Variants in PLEKHG2 observed in about 807,000 individuals in gnomAD.
PLEKHG2 encodes the protein pleckstrin homology domain-containing family G member 2.
In PLEKHG2, 71 loss-of-function variants were observed where a neutral mutation model predicts 104.4. The observed-to-expected ratio is 0.68, with a 90% CI of 0.56 to 0.83. The LOEUF (loss-of-function observed/expected upper bound fraction) is 0.83, where lower values mean the gene tolerates loss of function less well. PLEKHG2 is among the 40% of genes least tolerant of loss of function. The pLI is 0.00. For missense variants in PLEKHG2, 1,730 were observed against 1,809.4 expected, an observed-to-expected ratio of 0.96 and a Z score of 0.80; for synonymous variants, 728 against 737.0, an observed-to-expected ratio of 0.99 and a Z score of 0.20.
At chr19:39,422,684 C>G (rs3859552) in intron 17 of PLEKHG2, 48 bp from the exon 18 acceptor site, 72,359 of 1,498,740 alleles carry the variant, frequency 0.048, 2,166 homozygotes, top group Non-Finnish European at 0.058. Context: ...CCACCACACC[C>G]AGCTACCATG....
At position 39,424,001 on chromosome 19, in the gene PLEKHG2, C is replaced by T. The variant is rs1182280624; in HGVS notation, c.2868C>T (p.Pro956=). ...AGGCTCCAGCCGCCACACCTTTGCCCAAGCAAGAAGGCCCCCTGCACCTCC... is the reference window on the plus strand; with the variant it reads ...AGGCTCCAGCCGCCACACCTTTGCCTAAGCAAGAAGGCCCCCTGCACCTCC... ...HVQAPAATPL[P]KQEGPLHLQV... is the part of the protein sequence containing the mutation. The change falls in exon 19 of 19, where the codon CCC becomes CCT. Residue 956 remains proline (P), a synonymous_variant. Transcript: ENST00000425673. 4.3e-6 allele frequency: 7 copies of T among 1,613,954 alleles called. No homozygotes were observed. The highest frequency in any genetic ancestry group is 5.9e-6 in the Non-Finnish European group (7 of 1,179,986).
chr19:39,426,431 C>T lies in PLEKHG2; in HGVS notation c.*1137C>T, dbSNP rs2078783001. 6.6e-6 allele frequency: 1 copy of T among 152,234 alleles called. No homozygotes were observed. Among genetic ancestry groups the T allele is most frequent in the South Asian group, 2.1e-4 (1 of 4,832 alleles). 9.4% of individuals were successfully genotyped at this position (152,234 alleles called of 1,614,324 possible). A position where few individuals can be genotyped will look rare whatever the true frequency, so the allele number is the denominator to read the frequency against. ...GCTTTTATGTTAGGTTCTGTCTGCC[C>T]CCTTGTTCCAGCAGTGGTATGCCCA... On this transcript the variant is annotated 3_prime_UTR_variant, in exon 19 of 19. Transcript: ENST00000425673.
chr19:39,421,254 T>TTC (rs773673039), intron 15 of PLEKHG2, 29 bp from the exon 16 acceptor site: 1 of 1,613,392 alleles, frequency 6.2e-7, no homozygotes, highest in Non-Finnish European at 8.5e-7. Context: ...TCACTAATGC[T>TTC]TCTCTCTCTC....
In PLEKHG2 at chr19:39,424,038, C is replaced by T. The variant is rs150289778; in HGVS notation, c.2905C>T (p.Leu969Phe). 10 of 1,613,740 alleles carry T rather than the reference C, an allele frequency of 6.2e-6. No individual in the cohort carries two copies. The highest frequency in any genetic ancestry group is 5.1e-6 in the Non-Finnish European group (6 of 1,179,946). Residue 969 changes from leucine (L) to phenylalanine (F), a missense_variant, in exon 19 of 19, where the codon CTT (leucine) becomes TTT (phenylalanine). Physicochemically the swap from Leu to Phe is conservative, Grantham distance 22. Coordinates refer to ENST00000425673, the MANE Select transcript of PLEKHG2 (RefSeq NM_022835.3). ...CCCCCTGCACCTCCAGGTGCCGGCT[C>T]TTACAACTTTCTCTGATCAAGGCCA... is the stretch of plus-strand genomic sequence containing the variant. ...EGPLHLQVPA[L>F]TTFSDQGHPE...
Position 39,415,515 on chromosome 19 carries a change from C to T in PLEKHG2, c.479+76C>T, listed in dbSNP as rs945908591. The T allele has an allele frequency of 6.7e-7, 1 of 1,494,352 alleles. No individual in the cohort carries two copies. The allele number at this position is 1,494,352 out of a possible 1,614,324, so 92.6% of individuals were successfully genotyped here. ...TTTCCTAATCCAAACCTCGGAGCTT[C>T]GTAGTGTCCTGTCCAGGCTGGTACG... On this transcript the variant is annotated intron_variant, in intron 4 of 18. Coordinates refer to ENST00000425673, the MANE Select transcript of PLEKHG2 (RefSeq NM_022835.3). This position sits in a 1 kb window ranked among gnomAD's most constrained non-coding sequence, Gnocchi z 4.6.
chr19:39,425,046 C>T lies in PLEKHG2; in HGVS notation c.3913C>T (p.Arg1305Trp), dbSNP rs183572190. 17 of 1,598,816 alleles carry T rather than the reference C, an allele frequency of 1.1e-5. No homozygotes were observed. Among genetic ancestry groups the T allele is most frequent in the Middle Eastern group, 1.7e-4 (1 of 5,940 alleles). ...GPGGGAPAAS[R>W]GSWSSAPTSR... ...TGGGGGAGGGGCCCCCGCAGCCTCC[C>T]GGGGCTCCTGGTCCTCTGCTCCCAC... is the stretch of plus-strand genomic sequence containing the variant. The change falls in exon 19 of 19, where the codon CGG (arginine) becomes TGG (tryptophan). Residue 1305 changes from arginine (R) to tryptophan (W), a missense_variant. Transcript: ENST00000425673.
chr19:39,420,728 T>C (rs1177674689), intron 12 of PLEKHG2, 23 bp from the exon 13 acceptor site: 1 of 1,614,028 alleles, frequency 6.2e-7, no homozygotes, highest in African/African-American at 1.3e-5. Context: ...AGTTGGCTTT[T>C]AGCCCCAAAA....
chr19:39,423,595 T>G lies in PLEKHG2; in HGVS notation c.2541T>G (p.Pro847=). ...CAGCCAATGCCCCGCGCCGCCGGCC[T>G]CGGGTTCTGGCCCAACCCCAGCCAT... is the stretch of plus-strand genomic sequence containing the variant. ...RASANAPRRR[P]RVLAQPQPSP... Residue 847 remains proline (P), a synonymous_variant, in exon 18 of 19, where the codon CCT becomes CCG. Coordinates refer to ENST00000425673, the MANE Select transcript of PLEKHG2 (RefSeq NM_022835.3). 6.5e-7 allele frequency: 1 copy of G among 1,534,086 alleles called. No homozygotes were observed. The highest frequency in any genetic ancestry group is 8.8e-7 in the Non-Finnish European group (1 of 1,141,318).
Position 39,425,010 on chromosome 19 carries a change from C to T in PLEKHG2, c.3877C>T (p.Arg1293Trp), listed in dbSNP as rs36038883. The T allele has an allele frequency of 6.3e-4, 1,011 of 1,608,152 alleles. 1 individual carries two copies. In the African/African-American group the frequency reaches 9.8e-3, roughly 16 times the overall value. The change falls in exon 19 of 19, where the codon CGG (arginine) becomes TGG (tryptophan). Residue 1293 changes from arginine (R) to tryptophan (W), a missense_variant. Arg to Trp is a moderately radical substitution (Grantham distance 101). Coordinates refer to ENST00000425673, the MANE Select transcript of PLEKHG2 (RefSeq NM_022835.3). ...ATATATCAGCCAGAGCCTGGCTCGG[C>T]GGCAGGGGCCTGGGGGAGGGGCCCC... Reference protein sequence around the residue: ...ASYISQSLARRQGPGGGAPAA... With the variant: ...ASYISQSLARWQGPGGGAPAA...
intron 11 of PLEKHG2, 73 bp from the exon 12 acceptor site, chr19:39,420,553 A>G (rs2078682623): frequency 6.3e-7 from 1 of 1,596,568 alleles, no homozygotes; most frequent in African/African-American, 1.3e-5. Flanking sequence ...GGGCATGACT[A>G]CGGTGCTTAA....
chr19:39,417,776 A>C (rs1355342114), intron 8 of PLEKHG2, 84 bp downstream of exon 8: 36 of 1,526,722 alleles, frequency 2.4e-5, no homozygotes, highest in Non-Finnish European at 3.1e-5. Flanking sequence ...TCAGTGCCTC[A>C]GAGGTAGCCT....
rs2078550885 is a variant in PLEKHG2 at position 39,413,507 on chromosome 19, G to C, written c.-23+95G>C. On this transcript the variant is annotated intron_variant, in intron 1 of 18. Coordinates refer to ENST00000425673, the MANE Select transcript of PLEKHG2 (RefSeq NM_022835.3). This position sits in a 1 kb window ranked among gnomAD's most constrained non-coding sequence, Gnocchi z 4.5. ...GCGTGCCGGCGGGGGGCGAGCCGAG[G>C]CGCCGGCGGGAGTTGGGGGCTGGAG... The C allele has an allele frequency of 6.6e-6, 1 of 152,046 alleles. No individual in the cohort carries two copies. The highest frequency in any genetic ancestry group is 2.4e-5 in the African/African-American group (1 of 41,368). The allele number at this position is 152,046 out of a possible 1,614,324, so 9.4% of individuals were successfully genotyped here.
intron 11 of PLEKHG2, 30 bp downstream of exon 11, chr19:39,419,033 C>CG: frequency 6.3e-7 from 1 of 1,584,612 alleles, no homozygotes; most frequent in South Asian, 1.1e-5. Context: ...CGGGGGCCCT[C>CG]TGAGTGCTGG....
At position 39,413,889 on chromosome 19, in the gene PLEKHG2, C is replaced by T. The variant is rs1207477667; in HGVS notation, c.-22-176C>T. On this transcript the variant is annotated intron_variant, in intron 1 of 18. Transcript: ENST00000425673. This position sits in a 1 kb window ranked among gnomAD's most constrained non-coding sequence, Gnocchi z 4.5. ...GTCTCAGCCTTTCCATCTTTTTCGC[C>T]AGGTTCTCTCTCCTTGTCCCCTTCT... is the stretch of plus-strand genomic sequence containing the variant. 16 of 491,268 alleles carry T rather than the reference C, an allele frequency of 3.3e-5. No individual in the cohort carries two copies. Among genetic ancestry groups the T allele is most frequent in the Non-Finnish European group, 4.8e-5 (13 of 268,874 alleles). 30.4% of individuals were successfully genotyped at this position (491,268 alleles called of 1,614,324 possible). A position where few individuals can be genotyped will look rare whatever the true frequency, so the allele number is the denominator to read the frequency against.
At chr19:39,419,384 C>G (rs1235481675) in intron 11 of PLEKHG2, among the ~76,000 whole-genome samples, 1 of 152,102 alleles carries the variant, frequency 6.6e-6, no homozygotes, top group Non-Finnish European at 1.5e-5. Flanking sequence ...ATCATTTAAG[C>G]CCGGGAGTTC....
chr19:39,414,888 G>A (rs1237568408), intron 2 of PLEKHG2, 104 bp from the exon 3 acceptor site: 1 of 1,320,188 alleles, frequency 7.6e-7, no homozygotes, highest in Admixed American at 2.8e-5. Flanking sequence ...CTGTGGGAAA[G>A]CTGTTGGACA....
At position 39,423,046 on chromosome 19, in the gene PLEKHG2, T is replaced by A; in HGVS notation, c.1992T>A (p.Asp664Glu). The A allele has an allele frequency of 5.0e-6, 8 of 1,614,138 alleles. No homozygotes were observed. Among genetic ancestry groups the A allele is most frequent in the Non-Finnish European group, 6.8e-6 (8 of 1,180,002 alleles). Residue 664 changes from aspartate (D) to glutamate (E), a missense_variant, in exon 18 of 19, where the codon GAT (aspartate) becomes GAA (glutamate). Physicochemically the swap from Asp to Glu is conservative, Grantham distance 45. Coordinates refer to ENST00000425673, the MANE Select transcript of PLEKHG2 (RefSeq NM_022835.3). ...TTCCTAGTCTCTCTGACATTTCCGA[T>A]GTTTTTGAGATGCCCTGCCTTCCAG... ...SRLPSLSDIS[D>E]VFEMPCLPAI...
In PLEKHG2 at chr19:39,425,817, AT is replaced by A. The variant is rs1417865394; in HGVS notation, c.*524del. ...CACCCACCCTGCCATCTCTCCACCT[AT>A]CCATCTGGCTATTGCTCCATCTAGC... On this transcript the variant is annotated 3_prime_UTR_variant, in exon 19 of 19. Coordinates refer to ENST00000425673, the MANE Select transcript of PLEKHG2 (RefSeq NM_022835.3). 1 of 161,096 alleles carries A rather than the reference AT, an allele frequency of 6.2e-6. No individual in the cohort carries two copies. The highest frequency in any genetic ancestry group is 1.3e-5 in the Non-Finnish European group (1 of 74,568). The allele number at this position is 161,096 out of a possible 1,614,324, so 10.0% of individuals were successfully genotyped here. A position where few individuals can be genotyped will look rare whatever the true frequency, so the allele number is the denominator to read the frequency against.
chr19:39,423,307 A>T lies in PLEKHG2; in HGVS notation c.2253A>T (p.Gln751His). Residue 751 changes from glutamine to histidine, a missense_variant, in exon 18 of 19, where the codon CAA (glutamine) becomes CAT (histidine). Gln to His is a conservative substitution (Grantham distance 24). Coordinates refer to ENST00000425673, the MANE Select transcript of PLEKHG2 (RefSeq NM_022835.3). ...ACTTCCAGCCCCAGGATGTCACCCA[A>T]CATCAGGGATTCCCAGATGAGCTGG... ...FTDFQPQDVT[Q>H]HQGFPDELAF... The T allele has an allele frequency of 1.2e-6, 2 of 1,614,048 alleles. No homozygotes were observed. Among genetic ancestry groups the T allele is most frequent in the Non-Finnish European group, 1.7e-6 (2 of 1,179,894 alleles).
Sources: allele counts gnomAD v4.1 joint callset (sites outside exome capture counted in the v4.1 genomes callset), GRCh38; gene constraint gnomAD v4.1.1; non-coding constraint Gnocchi (gnomAD v3.1); transcripts MANE v1.5; gene names NCBI Gene and HGNC (gene_info 2026-07-23, HGNC 2026-07-21).